The following PREX1 variants were observed in gnomAD, a reference collection of about 807,000 sequenced individuals.
The protein encoded by PREX1 is phosphatidylinositol-3,4,5-trisphosphate dependent Rac exchange factor 1, also known as phosphatidylinositol 3,4,5-trisphosphate-dependent Rac exchanger 1 protein.
Under a neutral mutation model 198.3 loss-of-function variants are expected in PREX1, and 41 were observed. The observed-to-expected ratio is 0.21, with a 90% CI of 0.16 to 0.27. The LOEUF (loss-of-function observed/expected upper bound fraction) is 0.27. PREX1 is among the 10% of genes least tolerant of loss of function. PREX1 has a pLI of 1.00. For synonymous variants in PREX1, 843 were observed against 887.2 expected (o/e 0.95, Z 0.89); for missense variants, 1,620 against 2,200.7 (o/e 0.74, Z 5.28).
At chr20:48,851,339 T>A in the PREX1 span, among the ~76,000 whole-genome samples, 1 of 152,032 alleles carries the variant, frequency 6.6e-6, no homozygotes, top group Admixed American at 6.6e-5. Context: ...AAACCCCATC[T>A]CTACTGAAAA....
At chr20:48,878,907 AG>A in the PREX1 span, among the ~76,000 whole-genome samples, 15 of 152,334 alleles carry the variant, frequency 9.8e-5, no homozygotes, top group East Asian at 2.9e-3. Flanking sequence ...TATTATTAGA[AG>A]GATAATGGAA....
chr20:48,714,955 G>C (rs770561769), intron 5 of PREX1, among the ~76,000 whole-genome samples: 5 of 152,210 alleles, frequency 3.3e-5, no homozygotes, highest in Non-Finnish European at 1.5e-5. Flanking sequence ...ACGAGAGCTT[G>C]AGCGATACTA....
intron 7 of PREX1, among the ~76,000 whole-genome samples, chr20:48,697,652 G>A (rs1370021805): frequency 6.6e-6 from 1 of 152,066 alleles, no homozygotes; most frequent in Non-Finnish European, 1.5e-5. Context: ...CCAAAGTGCT[G>A]GGATTACAGG....
chr20:48,675,305 G>A (rs1196113943), intron 14 of PREX1, among the ~76,000 whole-genome samples: 3 of 152,166 alleles, frequency 2.0e-5, no homozygotes, highest in African/African-American at 7.2e-5. Context: ...CGAACCTGCC[G>A]GCACCTTGGT....
At chr20:48,765,492 C>T (rs1159726542) in intron 1 of PREX1, among the ~76,000 whole-genome samples, 1 of 152,154 alleles carries the variant, frequency 6.6e-6, no homozygotes. Flanking sequence ...TCCAATGAAA[C>T]GTGGACACGA....
At position 48,650,154 on chromosome 20, in the gene PREX1, A is replaced by AG; in HGVS notation, c.2869dup (p.Leu957ProfsTer50). 1 of 1,613,852 alleles carries AG rather than the reference A, an allele frequency of 6.2e-7. No individual in the cohort carries two copies. The highest frequency in any genetic ancestry group is 8.5e-7 in the Non-Finnish European group (1 of 1,179,856). On this transcript the variant is annotated frameshift_variant, in exon 24 of 40. Coordinates refer to ENST00000371941, the MANE Select transcript of PREX1 (RefSeq NM_020820.4). LOFTEE classifies it high-confidence loss of function. ...CAGGCCACACAGCGGGTGGGGCTCC[A>AG]GGGGGGCTTGTTTGAAGGGTGGGCT... is the stretch of plus-strand genomic sequence containing the variant.
the PREX1 span, among the ~76,000 whole-genome samples, chr20:48,858,245 C>G: frequency 7.9e-3 from 1,201 of 152,334 alleles, 7 homozygotes; most frequent in African/African-American, 0.027. Flanking sequence ...TCTGTCAACC[C>G]TGGAACTTCC....
In PREX1 at chr20:48,645,894, C is replaced by T; in HGVS notation, c.3469G>A (p.Glu1157Lys). 1 of 1,614,196 alleles carries T rather than the reference C, an allele frequency of 6.2e-7. No individual in the cohort carries two copies. The highest frequency in any genetic ancestry group is 2.2e-5 in the East Asian group (1 of 44,880). The change falls in exon 26 of 40, where the codon GAG becomes AAG. Residue 1157 changes from glutamate to lysine, a missense_variant. Glu to Lys is a moderately conservative substitution (Grantham distance 56, BLOSUM62 1). This residue lies in a region of PREX1 where 8 missense variants were observed against 26.8 expected (regional missense o/e 0.30). Transcript: ENST00000371941. ...CTCATGGTGTCGTGGCCTGAGTCCT[C>T]CTGGTCCTCCTCGGCCACCTTGAAG... ...VCFKVAEEDQEDSGHDTMSYR... is the reference protein window; with the variant it reads ...VCFKVAEEDQKDSGHDTMSYR...
chr20:48,884,337 A>C, the PREX1 span, among the ~76,000 whole-genome samples: 5 of 152,228 alleles, frequency 3.3e-5, no homozygotes, highest in Non-Finnish European at 5.9e-5. Flanking sequence ...AAGGATAGAC[A>C]GATAAGTCAA....
At chr20:48,716,104 G>T in intron 5 of PREX1, among the ~76,000 whole-genome samples, 1 of 152,142 alleles carries the variant, frequency 6.6e-6, no homozygotes, top group Non-Finnish European at 1.5e-5. Context: ...TGAGTGCAGG[G>T]AAGAGAGGGG....
chr20:48,686,384 C>G (rs1464145463), intron 10 of PREX1, among the ~76,000 whole-genome samples: 1 of 152,134 alleles, frequency 6.6e-6, no homozygotes, highest in Non-Finnish European at 1.5e-5. Flanking sequence ...AAAGGCTGGC[C>G]CTTTCGGACC....
intron 27 of PREX1, 157 bp from the exon 28 acceptor site, chr20:48,642,646 T>C: frequency 1.6e-6 from 1 of 616,986 alleles, no homozygotes; most frequent in South Asian, 2.2e-5. Context: ...ACAGGGCAAA[T>C]CACCTGACCT....
intron 37 of PREX1, among the ~76,000 whole-genome samples, chr20:48,628,258 C>T (rs2089288527): frequency 6.6e-6 from 1 of 152,208 alleles, no homozygotes; most frequent in Non-Finnish European, 1.5e-5. Context: ...GAGGAGGACT[C>T]GGTAAATATC....
the PREX1 span, among the ~76,000 whole-genome samples, chr20:48,882,357 C>T: frequency 6.6e-6 from 1 of 151,614 alleles, no homozygotes; most frequent in South Asian, 2.1e-4. Flanking sequence ...AAAAAATTAG[C>T]CGGGTGTGGT....
At chr20:48,777,874 C>T (rs1221753913) in intron 1 of PREX1, among the ~76,000 whole-genome samples, 1 of 152,160 alleles carries the variant, frequency 6.6e-6, no homozygotes, top group Non-Finnish European at 1.5e-5. Context: ...GCATCATTAT[C>T]GGGATTATCA....
Position 48,791,447 on chromosome 20 carries a change from A to AAG in PREX1, c.219+36194_219+36195insCT, listed in dbSNP as rs2090338524. On this transcript the variant is annotated intron_variant, in intron 1 of 39. Coordinates refer to ENST00000371941, the MANE Select transcript of PREX1 (RefSeq NM_020820.4). ...AGGTCAAGTCATTTGCCCCAAGGTC[A>AAG]CCCTGCTGGTGAGGGGTAAAGTCAA... Among the ~76,000 whole-genome samples, 5 of 152,190 alleles carry AAG rather than the reference A, an allele frequency of 3.3e-5. No homozygotes were observed. The South Asian group carries it at 8.3e-4, about 25-fold the overall frequency.
At chr20:48,690,523 C>T (rs1385376819) in intron 9 of PREX1, among the ~76,000 whole-genome samples, 9 of 152,126 alleles carry the variant, frequency 5.9e-5, no homozygotes, top group African/African-American at 1.7e-4. Flanking sequence ...CCTGCACTTC[C>T]TCATGTGAAC....
At chr20:48,753,192 G>T (rs992733015) in intron 1 of PREX1, among the ~76,000 whole-genome samples, 2 of 152,188 alleles carry the variant, frequency 1.3e-5, no homozygotes, top group Non-Finnish European at 2.9e-5. Flanking sequence ...CATGGATGTG[G>T]CAGGGAGAGG....
rs373727221 is a variant in PREX1, at chr20:48,744,874, G to A, written c.414+151C>T. 126 of 955,922 alleles carry A rather than the reference G, an allele frequency of 1.3e-4. No individual in the cohort carries two copies. The African/African-American group carries it at 1.7e-3, about 13-fold the overall frequency. 59.2% of individuals were successfully genotyped at this position (955,922 alleles called of 1,614,324 possible). A position where few individuals can be genotyped will look rare whatever the true frequency, so the allele number is the denominator to read the frequency against. On this transcript the variant is annotated intron_variant, in intron 3 of 39. Transcript: ENST00000371941. Reference sequence around the variant, plus strand: ...CTGACCTACTTCCCATAGTTCCAGGGATGCAGACTGGGCCCACCTGCCCAC... The same window carrying A: ...CTGACCTACTTCCCATAGTTCCAGGAATGCAGACTGGGCCCACCTGCCCAC...
Sources: gnomAD v4.1 joint callset for allele counts (sites outside exome capture counted in the v4.1 genomes callset) on GRCh38, gnomAD v4.1.1 for gene constraint, gnomAD v4.1.1 regional missense constraint, MANE v1.5 for transcripts, NCBI Gene and HGNC (gene_info 2026-07-23, HGNC 2026-07-21) for gene names.